Variants in GPC5 observed in about 807,000 individuals in gnomAD.
The protein encoded by GPC5 is glypican 5.
GPC5 carries 47 observed loss-of-function variants against 53.9 expected under a neutral mutation model. The observed-to-expected ratio is 0.87, with a 90% CI of 0.69 to 1.11. The LOEUF (loss-of-function observed/expected upper bound fraction) is 1.11, where lower values mean the gene tolerates loss of function less well. GPC5 is among the 50% of genes most tolerant of loss of function. GPC5 has a pLI of 0.00. For missense variants in GPC5, 748 were observed against 713.1 expected, an observed-to-expected ratio of 1.05 and a Z score of -0.56; for synonymous variants, 286 against 263.3, an observed-to-expected ratio of 1.09 and a Z score of -0.84.
At chr13:92,722,617 C>G (rs1414792309) in intron 7 of GPC5, among the ~76,000 whole-genome samples, 2 of 151,690 alleles carry the variant, frequency 1.3e-5, no homozygotes, top group Non-Finnish European at 2.9e-5. Flanking sequence ...AAATTTTATT[C>G]TTTGCAAGAC....
At chr13:92,523,191 C>A (rs1212231201) in intron 7 of GPC5, among the ~76,000 whole-genome samples, 1 of 152,078 alleles carries the variant, frequency 6.6e-6, no homozygotes, top group African/African-American at 2.4e-5. Flanking sequence ...CTCTTGTACT[C>A]AGATATTCAC....
At chr13:92,798,027 T>C (rs1295759640) in intron 7 of GPC5, among the ~76,000 whole-genome samples, 6 of 151,820 alleles carry the variant, frequency 4.0e-5, no homozygotes, top group Admixed American at 3.9e-4. Context: ...TTAGTAACTT[T>C]CATTACTAAT....
intron 7 of GPC5, among the ~76,000 whole-genome samples, chr13:92,236,668 A>C (rs2042572714): frequency 6.6e-6 from 1 of 152,164 alleles, no homozygotes; most frequent in South Asian, 2.1e-4. Context: ...AGAACTAGAC[A>C]CTTTATATTA....
chr13:92,102,436 C>T (rs1047415901), intron 6 of GPC5, among the ~76,000 whole-genome samples: 3 of 152,036 alleles, frequency 2.0e-5, no homozygotes, highest in Non-Finnish European at 4.4e-5. Context: ...AAGTAAGTAG[C>T]AGTTGGTTTT....
chr13:91,424,387 G>A (rs1221356423), intron 1 of GPC5, among the ~76,000 whole-genome samples: 1 of 122,404 alleles, frequency 8.2e-6, no homozygotes, highest in Non-Finnish European at 1.7e-5. Flanking sequence ...TTTTTGAGAT[G>A]AAGTCTTGCT....
chr13:92,102,424 G>A (rs1455835654), intron 6 of GPC5, among the ~76,000 whole-genome samples: 1 of 152,122 alleles, frequency 6.6e-6, no homozygotes, highest in Non-Finnish European at 1.5e-5. Context: ...ATTGAGGAGT[G>A]GAAGTAAGTA....
intron 1 of GPC5, among the ~76,000 whole-genome samples, chr13:91,403,224 G>A (rs1195424400): frequency 1.3e-5 from 2 of 152,194 alleles, no homozygotes; most frequent in South Asian, 2.1e-4. Context: ...GCCCTGGGTC[G>A]AAGCCCACCA....
rs574877589 is a variant in GPC5 at position 92,182,929 on chromosome 13, G to T, written c.1561+37940G>T. Among the ~76,000 whole-genome samples the T allele has an allele frequency of 1.1e-4, 17 of 152,018 alleles. No individual in the cohort carries two copies. In the South Asian group the frequency reaches 3.5e-3, roughly 32 times the overall value. ...CACCTACCCTTGATACATCAAGGAC[G>T]TTGAAACAAAGGTGGCAGAAGAAAC... On this transcript the variant is annotated intron_variant, in intron 7 of 7. Coordinates refer to ENST00000377067, the MANE Select transcript of GPC5 (RefSeq NM_004466.6).
intron 6 of GPC5, among the ~76,000 whole-genome samples, chr13:92,090,274 T>C (rs1566430531): frequency 6.6e-6 from 1 of 152,146 alleles, no homozygotes; most frequent in Non-Finnish European, 1.5e-5. Flanking sequence ...AGGGGTCTCA[T>C]AGTGCTGTAG....
chr13:91,404,240 A>G (rs977522735), intron 1 of GPC5, among the ~76,000 whole-genome samples: 2 of 152,230 alleles, frequency 1.3e-5, no homozygotes, highest in African/African-American at 4.8e-5. Flanking sequence ...TGGTAAGACC[A>G]AGAACAACAT....
intron 7 of GPC5, chr13:92,705,954 G>T (rs961528950): frequency 5.9e-5 from 9 of 151,612 alleles, no homozygotes; most frequent in African/African-American, 1.7e-4. Context: ...TTGGTGTTGT[G>T]GCATACCTGT....
intron 7 of GPC5, among the ~76,000 whole-genome samples, chr13:92,231,873 G>A (rs2139101871): frequency 6.6e-6 from 1 of 152,282 alleles, no homozygotes. Flanking sequence ...GGCTGAGGCA[G>A]GAGAATCGCT....
chr13:92,435,757 C>T (rs753418700), intron 7 of GPC5, among the ~76,000 whole-genome samples: 5 of 152,090 alleles, frequency 3.3e-5, no homozygotes, highest in East Asian at 3.9e-4. Flanking sequence ...TATGTGTGAA[C>T]GTTTGTGCTC....
chr13:91,659,321 G>T (rs2034927066), intron 2 of GPC5, among the ~76,000 whole-genome samples: 1 of 152,120 alleles, frequency 6.6e-6, no homozygotes, highest in Non-Finnish European at 1.5e-5. Context: ...AGTGCCCTTG[G>T]CATTTAGATT....
chr13:92,054,078 T>A (rs951569744), intron 6 of GPC5, among the ~76,000 whole-genome samples: 4 of 128,936 alleles, frequency 3.1e-5, no homozygotes, highest in Non-Finnish European at 6.9e-5. Context: ...TAAATAAGAT[T>A]TCACTTATAG....
At chr13:92,261,451 G>A (rs944105701) in intron 7 of GPC5, among the ~76,000 whole-genome samples, 1 of 152,042 alleles carries the variant, frequency 6.6e-6, no homozygotes, top group Non-Finnish European at 1.5e-5. Flanking sequence ...TGGATTGGTA[G>A]CTCTTGGTGT....
intron 7 of GPC5, among the ~76,000 whole-genome samples, chr13:92,211,692 C>T (rs1341390382): frequency 1.3e-5 from 2 of 152,062 alleles, no homozygotes; most frequent in African/African-American, 4.8e-5. Flanking sequence ...TTTAATAAGC[C>T]CTCCAGGTGA....
rs1275266803 is a variant in GPC5 at position 91,398,863 on chromosome 13, C to G, written c.-184C>G. 2 of 624,574 alleles carry G rather than the reference C, an allele frequency of 3.2e-6. No individual in the cohort carries two copies. Among genetic ancestry groups the G allele is most frequent in the African/African-American group, 1.9e-5 (1 of 52,616 alleles). 38.7% of individuals were successfully genotyped at this position (624,574 alleles called of 1,614,324 possible). Reference sequence around the variant, plus strand: ...AAAACTCTGGTGTCTCAGCTTAGGGCCTCCTCCGGGAAGAGCTAACTGCTC... The same window carrying G: ...AAAACTCTGGTGTCTCAGCTTAGGGGCTCCTCCGGGAAGAGCTAACTGCTC... On this transcript the variant is annotated 5_prime_UTR_variant, in exon 1 of 8. Coordinates refer to ENST00000377067, the MANE Select transcript of GPC5 (RefSeq NM_004466.6).
intron 6 of GPC5, among the ~76,000 whole-genome samples, chr13:91,973,026 T>A (rs537738512): frequency 6.6e-6 from 1 of 152,326 alleles, no homozygotes; most frequent in East Asian, 1.9e-4. Flanking sequence ...CTTGCTAGAT[T>A]GGGGGAGTTC....
Sources: gnomAD v4.1 joint callset for allele counts (sites outside exome capture counted in the v4.1 genomes callset) on GRCh38, gnomAD v4.1.1 for gene constraint, MANE v1.5 for transcripts, NCBI Gene and HGNC (gene_info 2026-07-23, HGNC 2026-07-21) for gene names.